The following MEN1 variants were observed in gnomAD, a reference collection of about 807,000 sequenced individuals.
MEN1 encodes menin.
MEN1 carries 6 observed loss-of-function variants against 58.0 expected under a neutral mutation model. The ratio of observed to expected loss-of-function variants is 0.10; its 90% CI spans 0.06 to 0.20. The LOEUF is 0.20. Ranked by LOEUF, MEN1 falls within the 10% of genes least tolerant of loss-of-function variation. The probability of loss-of-function intolerance (pLI) is 1.00; values close to 1 mark genes in which losing one functional copy is unlikely to be tolerated. For synonymous variants in MEN1, 346 were observed against 350.7 expected (o/e 0.99, Z 0.15); for missense variants, 492 against 818.5 (o/e 0.60, Z 4.87).
Position 64,807,499 on chromosome 11 carries a change from C to T in MEN1, c.783+53G>A. On this transcript the variant is annotated intron_variant, in intron 4 of 9. Transcript: ENST00000450708. The surrounding 1 kb of genome is among the most constrained non-coding windows in gnomAD (Gnocchi z 4.9). Reference sequence around the variant, plus strand: ...GAAAGTGCCCCTGCCCAGGGTCCCACAGCAAGTCAAGTCTGGCCTAGCCCA... The same window carrying T: ...GAAAGTGCCCCTGCCCAGGGTCCCATAGCAAGTCAAGTCTGGCCTAGCCCA... 1 of 1,603,854 alleles carries T rather than the reference C, an allele frequency of 6.2e-7. No individual in the cohort carries two copies. The highest frequency in any genetic ancestry group is 8.5e-7 in the Non-Finnish European group (1 of 1,171,894).
Position 64,804,995 on chromosome 11 carries a change from C to T in MEN1, c.1350+39G>A, listed in dbSNP as rs2136098541. The T allele has an allele frequency of 1.2e-6, 2 of 1,610,632 alleles. No homozygotes were observed. The highest frequency in any genetic ancestry group is 1.7e-6 in the Non-Finnish European group (2 of 1,179,950). The stretch of plus-strand genomic sequence containing the variant: ...CTGACAAGCCCGTGGCTGCTGTCAC[C>T]ACCTGTAGTGCCCAGACCTCTGTGC... On this transcript the variant is annotated intron_variant, in intron 9 of 9. Transcript: ENST00000450708. This position sits in a 1 kb window ranked among gnomAD's most constrained non-coding sequence, Gnocchi z 4.2.
Position 64,804,603 on chromosome 11 carries a change from C to A in MEN1, c.1564G>T (p.Val522Phe). Residue 522 changes from valine to phenylalanine, a missense_variant, in exon 10 of 10, where the codon GTC becomes TTC. Transcript: ENST00000450708. The surrounding 1 kb of genome is among the most constrained non-coding windows in gnomAD (Gnocchi z 4.2). The stretch of plus-strand genomic sequence containing the variant: ...TCAGGGCCTCGGGCTGTGCCAGCGA[C>A]AGTCCCAGGAGGCTTCCGGGGGGGT... ...SGPPRKPPGT[V>F]AGTARGPEGG... 6.2e-7 allele frequency: 1 copy of A among 1,611,122 alleles called. No homozygotes were observed. The highest frequency in any genetic ancestry group is 8.5e-7 in the Non-Finnish European group (1 of 1,179,670).
In MEN1 at chr11:64,807,228, C is replaced by G. The variant is rs794728625; in HGVS notation, c.784-9G>C. On this transcript the variant is annotated splice_polypyrimidine_tract_variant and intron_variant, in intron 4 of 9. Coordinates refer to ENST00000450708, the MANE Select transcript of MEN1 (RefSeq NM_001370259.2). This position sits in a 1 kb window ranked among gnomAD's most constrained non-coding sequence, Gnocchi z 4.9. ...AGCAGCCAGAGCAGCTTCTAGGAGC[C>G]GAAGGAGAGAGTTATGAGCCACGGA... 6.2e-7 allele frequency: 1 copy of G among 1,612,592 alleles called. No individual in the cohort carries two copies. The highest frequency in any genetic ancestry group is 8.5e-7 in the Non-Finnish European group (1 of 1,179,776).
Position 64,809,758 on chromosome 11 carries a change from C to G in MEN1, c.352G>C (p.Val118Leu), listed in dbSNP as rs1060499975. 6.2e-7 allele frequency: 1 copy of G among 1,614,160 alleles called. No individual in the cohort carries two copies. Among genetic ancestry groups the G allele is most frequent in the Admixed American group, 1.7e-5 (1 of 60,020 alleles). The change falls in exon 2 of 10, where the codon GTG becomes CTG. Residue 118 changes from valine (V) to leucine (L), a missense_variant. Physicochemically the swap from Val to Leu is conservative, Grantham distance 32. Around this residue, in one of 5 missense-constraint regions of MEN1, gnomAD observed 335 missense variants for 550.3 expected, o/e 0.61. Transcript: ENST00000450708. ...REGGVSSRELVKKVSDVIWNS... is the reference protein window; with the variant it reads ...REGGVSSRELLKKVSDVIWNS... ...CATATGACATCGGAGACCTTCTTCACCAGCTCACGGCTGGAGACACCCCCT... is the reference window on the plus strand; with the variant it reads ...CATATGACATCGGAGACCTTCTTCAGCAGCTCACGGCTGGAGACACCCCCT...
chr11:64,810,127 G>A lies in MEN1; in HGVS notation c.-18C>T, dbSNP rs938023447. 2.2e-5 allele frequency: 33 copies of A among 1,527,834 alleles called. No homozygotes were observed. The highest frequency in any genetic ancestry group is 2.1e-4 in the Middle Eastern group (1 of 4,662). The allele number at this position is 1,527,834 out of a possible 1,614,324, so 94.6% of individuals were successfully genotyped here. A position where few individuals can be genotyped will look rare whatever the true frequency, so the allele number is the denominator to read the frequency against. ...AGCCCCATGGCGGCGGGCGGTGGGC[G>A]GCGGCCTGCAAGGCAAGCCGGGGGA... is the stretch of plus-strand genomic sequence containing the variant. On this transcript the variant is annotated 5_prime_UTR_variant, in exon 2 of 10. Coordinates refer to ENST00000450708, the MANE Select transcript of MEN1 (RefSeq NM_001370259.2).
rs1273243262 is a variant in MEN1, at chr11:64,804,905, C to G, written c.1351-89G>C. ...CCTGCTCTGGCCATCCCATCCCACC[C>G]AGGGGGTCTCAGTCCCATCGGCACC... is the stretch of plus-strand genomic sequence containing the variant. On this transcript the variant is annotated intron_variant, in intron 9 of 9. Coordinates refer to ENST00000450708, the MANE Select transcript of MEN1 (RefSeq NM_001370259.2). The surrounding 1 kb of genome is among the most constrained non-coding windows in gnomAD (Gnocchi z 4.2). 1.3e-5 allele frequency: 21 copies of G among 1,596,568 alleles called. No individual in the cohort carries two copies. The Admixed American group carries it at 1.3e-4, about 10-fold the overall frequency.
At position 64,808,053 on chromosome 11, in the gene MEN1, G is replaced by A. The variant is rs146759807; in HGVS notation, c.492C>T (p.Ala164=). The change falls in exon 3 of 10, where the codon GCC becomes GCT. Residue 164 remains alanine, a synonymous_variant. Coordinates refer to ENST00000450708, the MANE Select transcript of MEN1 (RefSeq NM_001370259.2). ...SSGVAFAVVG[A]CQALGLRDVH... ...CATCCCGGAGACCCAGGGCCTGGCA[G>A]GCCCCAACCACAGCAAAGGCCACAC... 1.4e-4 allele frequency: 234 copies of A among 1,614,028 alleles called. No homozygotes were observed. Among genetic ancestry groups the A allele is most frequent in the Non-Finnish European group, 1.9e-4 (228 of 1,179,976 alleles).
At position 64,810,022 on chromosome 11, in the gene MEN1, CTCG is replaced by C; in HGVS notation, c.85_87del (p.Arg29del). The C allele has an allele frequency of 1.2e-6, 2 of 1,608,134 alleles. No homozygotes were observed. The highest frequency in any genetic ancestry group is 1.7e-6 in the Non-Finnish European group (2 of 1,177,368). ...GAAAGGAGCACCAGGTCCGGCTCCT[CTCG>C]GCCCAGCTCGGCAGCAAACAGGCGC... On this transcript the variant is annotated inframe_deletion, in exon 2 of 10. Coordinates refer to ENST00000450708, the MANE Select transcript of MEN1 (RefSeq NM_001370259.2).
upstream of MEN1, chr11:64,811,255 C>T (rs1370904086): frequency 1.3e-5 from 2 of 150,188 alleles, no homozygotes; most frequent in Admixed American, 6.7e-5. Context: ...CGCCACCACT[C>T]CCGCCTAATT....
At chr11:64,806,204 C>A in intron 7 of MEN1, 28 bp downstream of exon 7, 1 of 1,613,672 alleles carries the variant, frequency 6.2e-7, no homozygotes, top group Non-Finnish European at 8.5e-7. Flanking sequence ...AAAGGACAGG[C>A]TGCAGGCCCT....
At chr11:64,808,191 C>A in intron 2 of MEN1, 92 bp from the exon 3 acceptor site, 1 of 1,234,990 alleles carries the variant, frequency 8.1e-7, no homozygotes, top group South Asian at 1.3e-5. Context: ...CCCTCCCACT[C>A]CCTTTCCAAG....
At position 64,805,934 on chromosome 11, in the gene MEN1, T is replaced by C; in HGVS notation, c.1050-164A>G. The C allele has an allele frequency of 9.3e-6, 7 of 750,536 alleles. No individual in the cohort carries two copies. The South Asian group carries it at 1.1e-4, about 12-fold the overall frequency. 46.5% of individuals were successfully genotyped at this position (750,536 alleles called of 1,614,324 possible). On this transcript the variant is annotated intron_variant, in intron 7 of 9. Transcript: ENST00000450708. The stretch of plus-strand genomic sequence containing the variant: ...TCAGCCCAGAGGAAGAAAGCAAGAA[T>C]GAGGAGGGGGGCATGGGGCCGAGGG...
chr11:64,807,152 G>A lies in MEN1; in HGVS notation c.824+27C>T, dbSNP rs372668380. 1.3e-4 allele frequency: 210 copies of A among 1,613,764 alleles called. No homozygotes were observed. Among genetic ancestry groups the A allele is most frequent in the Middle Eastern group, 3.3e-4 (2 of 6,062 alleles). On this transcript the variant is annotated intron_variant, in intron 5 of 9. Transcript: ENST00000450708. The surrounding 1 kb of genome is among the most constrained non-coding windows in gnomAD (Gnocchi z 4.9). The stretch of plus-strand genomic sequence containing the variant: ...ACCCAGCCCCCCGGCCTCACCAGGC[G>A]CAGCCTGGCCACTTCCCTCTACTGA...
rs1941585440 is a variant in MEN1 at position 64,804,902 on chromosome 11, A to ACCCAGG, written c.1351-92_1351-87dup. The ACCCAGG allele has an allele frequency of 6.3e-7, 1 of 1,596,064 alleles. No individual in the cohort carries two copies. Among genetic ancestry groups the ACCCAGG allele is most frequent in the Admixed American group, 1.7e-5 (1 of 59,938 alleles). On this transcript the variant is annotated intron_variant, in intron 9 of 9. Transcript: ENST00000450708. This position sits in a 1 kb window ranked among gnomAD's most constrained non-coding sequence, Gnocchi z 4.2. ...GACCCTGCTCTGGCCATCCCATCCC[A>ACCCAGG]CCCAGGGGGTCTCAGTCCCATCGGC...
chr11:64,805,373 A>G (rs1941646244), intron 8 of MEN1, among the ~76,000 whole-genome samples, 175 bp from the exon 9 acceptor site: 1 of 152,194 alleles, frequency 6.6e-6, no homozygotes, highest in Admixed American at 6.5e-5. Context: ...GCCAGGACGT[A>G]CCATCCCTAC....
In MEN1 at chr11:64,807,595, A is replaced by G. The variant is rs1043531053; in HGVS notation, c.740T>C (p.Ile247Thr). The G allele has an allele frequency of 2.5e-6, 4 of 1,614,114 alleles. No homozygotes were observed. The highest frequency in any genetic ancestry group is 2.2e-5 in the East Asian group (1 of 44,882). The change falls in exon 4 of 10, where the codon ATT becomes ACT. Residue 247 changes from isoleucine (I) to threonine (T), a missense_variant. Physicochemically the swap from Ile to Thr is moderately conservative, Grantham distance 89 (BLOSUM62 -1). Coordinates refer to ENST00000450708, the MANE Select transcript of MEN1 (RefSeq NM_001370259.2). This position sits in a 1 kb window ranked among gnomAD's most constrained non-coding sequence, Gnocchi z 4.9. ...CTCCAGCGAGTCGGTGTGCAGGTCA[A>G]TGGAAGGGTTGATGGCACACACCAT... ...AFMVCAINPS[I>T]DLHTDSLELL...
chr11:64,806,444 C>A, intron 6 of MEN1, 76 bp from the exon 7 acceptor site: 1 of 1,570,954 alleles, frequency 6.4e-7, no homozygotes, highest in Non-Finnish European at 8.8e-7. Flanking sequence ...CCCACCAGGG[C>A]ACACCCAGAA....
At chr11:64,809,552 A>T in intron 2 of MEN1, 113 bp downstream of exon 2, 1 of 1,363,976 alleles carries the variant, frequency 7.3e-7, no homozygotes, top group East Asian at 2.3e-5. Context: ...CAAAGAGGAA[A>T]ATAACACCTG....
rs2136120898 is a variant in MEN1 at position 64,806,332 on chromosome 11, G to A, written c.949C>T (p.His317Tyr). Residue 317 changes from histidine to tyrosine, a missense_variant, in exon 7 of 10, where the codon CAC becomes TAC. His to Tyr is a moderately conservative substitution (Grantham distance 83). Transcript: ENST00000450708. ...GCCAGGTACATGTAGGGGTAGATGT[G>A]TTCATCCCGATAGTAGGTCTTGGCT... ...ASAKTYYRDE[H>Y]IYPYMYLAGY... 6.2e-7 allele frequency: 1 copy of A among 1,614,202 alleles called. No homozygotes were observed. Among genetic ancestry groups the A allele is most frequent in the Non-Finnish European group, 8.5e-7 (1 of 1,180,004 alleles).
Sources: gnomAD v4.1 joint callset for allele counts (sites outside exome capture counted in the v4.1 genomes callset) on GRCh38, gnomAD v4.1.1 for gene constraint, gnomAD v4.1.1 regional missense constraint, Gnocchi (gnomAD v3.1) non-coding constraint, MANE v1.5 for transcripts, NCBI Gene and HGNC (gene_info 2026-07-23, HGNC 2026-07-21) for gene names.